Variants in MTFR1 observed in about 807,000 individuals in gnomAD.
The protein encoded by MTFR1 is mitochondrial fission regulator 1, also known as chondrocyte protein with a poly-proline region.
In MTFR1, 28 loss-of-function variants were observed where a neutral mutation model predicts 38.8. That is an observed-to-expected ratio of 0.72 (90% confidence interval 0.53 to 0.99). The LOEUF (loss-of-function observed/expected upper bound fraction) is 0.99. MTFR1 is among the 50% of genes least tolerant of loss of function. The pLI, the probability that MTFR1 is intolerant of heterozygous loss-of-function variation, is 0.00. For missense variants in MTFR1, 358 were observed against 395.5 expected, an observed-to-expected ratio of 0.91 and a Z score of 0.81; for synonymous variants, 145 against 137.0, an observed-to-expected ratio of 1.06 and a Z score of -0.41.
chr8:65,677,068 C>CTTTTTTTTTTTT (rs1166560010), intron 2 of MTFR1, among the ~76,000 whole-genome samples: 4 of 100,108 alleles, frequency 4.0e-5, no homozygotes, highest in Admixed American at 1.2e-4. Flanking sequence ...CTATTTCTCT[C>CTTTTTTTTTTTT]TTTTTTTTTT....
chr8:65,739,612 G>A, intron 3 of MTFR1: 8 of 1,500,910 alleles, frequency 5.3e-6, no homozygotes, highest in Non-Finnish European at 7.1e-6. Flanking sequence ...AAAGAAAGAA[G>A]AGACATTACA....
intron 1 of MTFR1, among the ~76,000 whole-genome samples, chr8:65,655,951 AAT>A (rs1554545338): frequency 3.6e-5 from 2 of 55,402 alleles, no homozygotes; most frequent in Non-Finnish European, 3.1e-5. Flanking sequence ...TAAAAAAAAA[AAT>A]ATATATATAT....
In MTFR1 at chr8:65,665,263, A is replaced by G. The variant is rs866830857; in HGVS notation, c.-80-4610A>G. Among the ~76,000 whole-genome samples the G allele has an allele frequency of 2.0e-5, 3 of 152,112 alleles. No homozygotes were observed. The Middle Eastern group carries it at 0.01, about 517-fold the overall frequency. The stretch of plus-strand genomic sequence containing the variant: ...TGATAGGTTTTCAAACTCCACATAA[A>G]ACCATCCTTTCTCCTTGCCTGTTTT... On this transcript the variant is annotated intron_variant, in intron 1 of 7. Transcript: ENST00000262146.
downstream of MTFR1, chr8:65,714,191 TTA>T (rs1563462824): frequency 6.7e-6 from 1 of 150,118 alleles, no homozygotes; most frequent in Non-Finnish European, 1.5e-5. Flanking sequence ...ATGCCCCCCT[TTA>T]TTATATATCT....
chr8:65,701,115 C>T (rs1271970114), intron 4 of MTFR1, among the ~76,000 whole-genome samples: 1 of 152,186 alleles, frequency 6.6e-6, no homozygotes. Context: ...TTATCTACCC[C>T]CACCTTTTAA....
chr8:65,775,144 CCT>C (rs376463046), downstream of MTFR1, among the ~76,000 whole-genome samples: 18 of 152,110 alleles, frequency 1.2e-4, no homozygotes, highest in East Asian at 3.1e-3. Context: ...GGTGTTTTCC[CCT>C]CTTAGTTTTT....
intron 1 of MTFR1, among the ~76,000 whole-genome samples, chr8:65,647,881 G>A (rs967613656): frequency 6.6e-6 from 1 of 151,870 alleles, no homozygotes; most frequent in African/African-American, 2.4e-5. Flanking sequence ...AACAGTTTTA[G>A]TTAACATTTA....
intron 3 of MTFR1, chr8:65,747,606 T>TAATCAA: frequency 7.5e-7 from 1 of 1,326,558 alleles, no homozygotes; most frequent in Non-Finnish European, 1.1e-6. Context: ...AGGCCTTCAG[T>TAATCAA]AAACTTATCA....
At chr8:65,737,708 G>A (rs576890740) in intron 3 of MTFR1, among the ~76,000 whole-genome samples, 2 of 151,946 alleles carry the variant, frequency 1.3e-5, no homozygotes, top group Non-Finnish European at 2.9e-5. Flanking sequence ...TAGTAGAGAC[G>A]GGGTTTCACC....
At chr8:65,719,857 C>T (rs1806301424) in intron 3 of MTFR1, 1 of 260,534 alleles carries the variant, frequency 3.8e-6, no homozygotes, top group Non-Finnish European at 7.5e-6. Context: ...AGTTGCAGTG[C>T]AACAACTGGA....
intron 3 of MTFR1, among the ~76,000 whole-genome samples, chr8:65,748,300 ATAAT>A (rs1363752655): frequency 6.6e-6 from 1 of 152,168 alleles, no homozygotes; most frequent in Non-Finnish European, 1.5e-5. Flanking sequence ...TTTACTTAAG[ATAAT>A]TAAGAAGAAA....
At chr8:65,678,493 A>G (rs529971930) in intron 2 of MTFR1, among the ~76,000 whole-genome samples, 1 of 152,346 alleles carries the variant, frequency 6.6e-6, no homozygotes, top group East Asian at 1.9e-4. Context: ...AGAAGAACAC[A>G]TTATGTTAGT....
chr8:65,735,233 C>T (rs954692272), intron 3 of MTFR1, among the ~76,000 whole-genome samples: 5 of 152,154 alleles, frequency 3.3e-5, no homozygotes, highest in Admixed American at 6.5e-5. Flanking sequence ...ACACAATCGC[C>T]GAGTGAGCGG....
chr8:65,758,077 T>C (rs1243622433), intron 3 of MTFR1, among the ~76,000 whole-genome samples: 1 of 152,264 alleles, frequency 6.6e-6, no homozygotes, highest in Non-Finnish European at 1.5e-5. Context: ...GTCTCTGTGC[T>C]AGTCCAGATT....
At chr8:65,690,487 A>G (rs1805242290) in intron 3 of MTFR1, among the ~76,000 whole-genome samples, 1 of 152,154 alleles carries the variant, frequency 6.6e-6, no homozygotes, top group South Asian at 2.1e-4. Flanking sequence ...CCGAGATGGT[A>G]CCACTGCACT....
intron 2 of MTFR1, chr8:65,718,868 C>T (rs1420197718): frequency 5.8e-6 from 1 of 172,008 alleles, no homozygotes; most frequent in Non-Finnish European, 1.3e-5. Context: ...CTTCACATTT[C>T]CATTTTCTCA....
At chr8:65,734,654 A>C (rs958080936) in intron 3 of MTFR1, 12 of 581,942 alleles carry the variant, frequency 2.1e-5, no homozygotes, top group Middle Eastern at 2.8e-4. Context: ...AGATTCAGAA[A>C]CTTGATCCAG....
At chr8:65,739,434 G>A in intron 3 of MTFR1, 1 of 1,461,486 alleles carries the variant, frequency 6.8e-7, no homozygotes, top group Admixed American at 2.9e-5. Context: ...ATATAACTGA[G>A]ATAAAACTTA....
chr8:65,644,605 G>A (rs1050562434), upstream of MTFR1: 1 of 152,270 alleles, frequency 6.6e-6, no homozygotes, highest in African/African-American at 2.4e-5. Context: ...CCGGCTTGCG[G>A]AGCGGTTGCC....
Sources: allele counts gnomAD v4.1 joint callset (sites outside exome capture counted in the v4.1 genomes callset), GRCh38; gene constraint gnomAD v4.1.1; transcripts MANE v1.5; gene names NCBI Gene and HGNC (gene_info 2026-07-23, HGNC 2026-07-21).